The following XPO6 variants were observed in gnomAD, a reference collection of about 807,000 sequenced individuals.
XPO6 encodes the protein exportin 6.
In XPO6, 3 loss-of-function variants were observed where a neutral mutation model predicts 130.0. The ratio of observed to expected loss-of-function variants is 0.02; its 90% CI spans 0.01 to 0.06. The LOEUF (loss-of-function observed/expected upper bound fraction) is 0.06, where lower values mean the gene tolerates loss of function less well. Ranked by LOEUF, XPO6 falls within the 10% of genes least tolerant of loss-of-function variation. The pLI, the probability that XPO6 is intolerant of heterozygous loss-of-function variation, is 1.00. For synonymous variants in XPO6, 524 were observed against 548.9 expected, an observed-to-expected ratio of 0.95 and a Z score of 0.63; for missense variants, 970 against 1,393.0, an observed-to-expected ratio of 0.70 and a Z score of 4.83.
At chr16:28,131,633 C>A (rs1399083051) in intron 12 of XPO6, among the ~76,000 whole-genome samples, 1 of 152,126 alleles carries the variant, frequency 6.6e-6, no homozygotes, top group East Asian at 1.9e-4. Context: ...GCCATGGGAC[C>A]CTGGGTAAAT....
At chr16:28,149,058 T>TA (rs71389526) in intron 8 of XPO6, among the ~76,000 whole-genome samples, 32,145 of 106,148 alleles carry the variant, frequency 0.3, 3,573 homozygotes, top group African/African-American at 0.34. Flanking sequence ...AAAAAGAAAA[T>TA]AAAAAAAAAA....
chr16:28,112,632 G>T (rs750254243), intron 16 of XPO6, among the ~76,000 whole-genome samples: 7 of 152,220 alleles, frequency 4.6e-5, no homozygotes, highest in Non-Finnish European at 8.8e-5. Flanking sequence ...TCACAACACT[G>T]GCCGAAATTA....
intron 8 of XPO6, among the ~76,000 whole-genome samples, chr16:28,149,655 C>T (rs1435462419): frequency 6.6e-6 from 1 of 152,168 alleles, no homozygotes; most frequent in African/African-American, 2.4e-5. Context: ...GTGGCCTACA[C>T]CACCTAGCCT....
intron 8 of XPO6, 54 bp from the exon 9 acceptor site, chr16:28,146,257 A>T: frequency 2.4e-6 from 3 of 1,226,602 alleles, no homozygotes; most frequent in South Asian, 1.2e-5. Flanking sequence ...ACTATTCCTT[A>T]GAAACACACA....
intron 1 of XPO6, among the ~76,000 whole-genome samples, chr16:28,197,245 CTGACTCAAAAAAAAATAA>C (rs1001452569): frequency 1.3e-5 from 2 of 151,618 alleles, no homozygotes; most frequent in African/African-American, 4.8e-5. Flanking sequence ...GAGAGAGACT[CTGACTCAAAAAAAAATAA>C]TGTGTATTTT....
Position 28,104,593 on chromosome 16 carries a change from C to A in XPO6, c.2899G>T (p.Ala967Ser). ...GGCTCATTCTCCATCTGCTCCTCAG[C>A]GATCCCCCTCTGGACACTGGCCAGC... is the stretch of plus-strand genomic sequence containing the variant. ...TVLASVQRGI[A>S]EEQMENEPQF... Residue 967 changes from alanine to serine, a missense_variant, in exon 21 of 24, where the codon GCT becomes TCT. Ala to Ser is a moderately conservative substitution (Grantham distance 99, BLOSUM62 1). Coordinates refer to ENST00000304658, the MANE Select transcript of XPO6 (RefSeq NM_015171.4). The A allele has an allele frequency of 6.2e-7, 1 of 1,614,212 alleles. No individual in the cohort carries two copies. Among genetic ancestry groups the A allele is most frequent in the African/African-American group, 1.3e-5 (1 of 75,054 alleles).
chr16:28,140,654 G>A (rs908946828), intron 9 of XPO6, among the ~76,000 whole-genome samples: 2 of 150,286 alleles, frequency 1.3e-5, no homozygotes, highest in African/African-American at 2.5e-5. Context: ...CTCCAGCCTG[G>A]TGACAGAGTG....
intron 1 of XPO6, among the ~76,000 whole-genome samples, chr16:28,181,784 C>T (rs962357692): frequency 6.6e-6 from 1 of 152,132 alleles, no homozygotes; most frequent in African/African-American, 2.4e-5. Flanking sequence ...GAGAGCCAAG[C>T]TAACTAGGGA....
chr16:28,183,384 G>C (rs1254464954), intron 1 of XPO6: 1 of 133,422 alleles, frequency 7.5e-6, no homozygotes, highest in East Asian at 2.3e-4. Flanking sequence ...CCAACTCCTT[G>C]TTCTACTCTT....
rs373046289 is a variant in XPO6 at position 28,166,572 on chromosome 16, A to G, written c.579T>C (p.Thr193=). The G allele has an allele frequency of 1.3e-6, 2 of 1,586,686 alleles. No individual in the cohort carries two copies. The highest frequency in any genetic ancestry group is 1.7e-6 in the Non-Finnish European group (2 of 1,165,014). ...CAGTAACACTGTGTTTGTCCCAGAC[A>G]GTCTCCAAGATACCTACCAAGAAAG... ...VLGLLTGILE[T]VWDKHSVTAA... Residue 193 remains threonine (T), a synonymous_variant, in exon 6 of 24, where the codon ACT becomes ACC. Transcript: ENST00000304658.
At chr16:28,130,263 T>TAGAC (rs1342399414) in intron 12 of XPO6, among the ~76,000 whole-genome samples, 2 of 151,806 alleles carry the variant, frequency 1.3e-5, no homozygotes, top group African/African-American at 4.8e-5. Context: ...GCACCAGGAG[T>TAGAC]AGACAAGAAT....
chr16:28,125,921 A>G, intron 12 of XPO6, 73 bp from the exon 13 acceptor site: 1 of 1,542,036 alleles, frequency 6.5e-7, no homozygotes, highest in Non-Finnish European at 8.7e-7. Flanking sequence ...CAGCTGGTCC[A>G]GCAAGCCACA....
intron 1 of XPO6, among the ~76,000 whole-genome samples, chr16:28,183,911 T>G (rs1023471665): frequency 2.6e-5 from 4 of 151,902 alleles, no homozygotes; most frequent in African/African-American, 9.7e-5. Context: ...CATCACACAA[T>G]CAGAACAGAG....
chr16:28,184,495 TG>T (rs2043664032), intron 1 of XPO6, among the ~76,000 whole-genome samples: 1 of 151,248 alleles, frequency 6.6e-6, no homozygotes, highest in African/African-American at 2.4e-5. Context: ...GTTCATCAGA[TG>T]GCACAATGGA....
intron 6 of XPO6, among the ~76,000 whole-genome samples, chr16:28,157,324 G>A (rs748255864): frequency 7.2e-5 from 11 of 152,050 alleles, no homozygotes; most frequent in Non-Finnish European, 1.3e-4. Context: ...GCATGGTGGT[G>A]CATGCCTGTA....
chr16:28,104,748 G>A, intron 20 of XPO6, 41 bp from the exon 21 acceptor site: 1 of 1,608,298 alleles, frequency 6.2e-7, no homozygotes, highest in Non-Finnish European at 8.5e-7. Flanking sequence ...AGCTTGCGGA[G>A]CTGCTCCGGC....
chr16:28,130,969 A>G (rs1330160907), intron 12 of XPO6, among the ~76,000 whole-genome samples: 1 of 152,172 alleles, frequency 6.6e-6, no homozygotes, highest in East Asian at 1.9e-4. Flanking sequence ...CAGTGTCTTC[A>G]GGGTCCTGAG....
At chr16:28,151,056 C>A (rs146256277) in intron 8 of XPO6, among the ~76,000 whole-genome samples, 2 of 151,756 alleles carry the variant, frequency 1.3e-5, no homozygotes, top group African/African-American at 4.8e-5. Flanking sequence ...TTTTCACATG[C>A]CAAGATCTTC....
At chr16:28,139,552 G>A (rs891903269) in intron 9 of XPO6, among the ~76,000 whole-genome samples, 3 of 152,112 alleles carry the variant, frequency 2.0e-5, no homozygotes, top group Non-Finnish European at 4.4e-5. Flanking sequence ...TATGAATGAT[G>A]GGTACGTGTA....
Sources: allele counts gnomAD v4.1 joint callset (sites outside exome capture counted in the v4.1 genomes callset), GRCh38; gene constraint gnomAD v4.1.1; transcripts MANE v1.5; gene names NCBI Gene and HGNC (gene_info 2026-07-23, HGNC 2026-07-21).